The following RBFOX1 variants were observed in gnomAD, a reference collection of about 807,000 sequenced individuals.
RBFOX1 encodes RNA binding protein fox-1 homolog 1.
In RBFOX1, 8 loss-of-function variants were observed where a neutral mutation model predicts 57.7. The observed-to-expected ratio is 0.14, with a 90% confidence interval of 0.08 to 0.25. RBFOX1 has a LOEUF of 0.25. Ranked by LOEUF, RBFOX1 falls within the 10% of genes least tolerant of loss-of-function variation. The pLI, the probability that RBFOX1 is intolerant of heterozygous loss-of-function variation, is 1.00. For synonymous variants in RBFOX1, 326 were observed against 222.4 expected, an observed-to-expected ratio of 1.47 and a Z score of -4.15; for missense variants, 611 against 548.5, an observed-to-expected ratio of 1.11 and a Z score of -1.14.
intron 2 of RBFOX1, among the ~76,000 whole-genome samples, chr16:6,603,214 C>A (rs1047386184): frequency 1.3e-5 from 2 of 152,136 alleles, no homozygotes; most frequent in African/African-American, 4.8e-5. Context: ...GCTTACTTGT[C>A]TCAGGGCCAA....
chr16:6,726,592 C>G (rs931577014), intron 3 of RBFOX1, among the ~76,000 whole-genome samples: 8 of 152,066 alleles, frequency 5.3e-5, no homozygotes, highest in Non-Finnish European at 1.0e-4. Context: ...TACATAGCTG[C>G]TTTCCTGGTC....
chr16:5,316,334 T>A (rs1010920667), intron 1 of RBFOX1, among the ~76,000 whole-genome samples: 3 of 152,242 alleles, frequency 2.0e-5, no homozygotes, highest in African/African-American at 7.2e-5. Flanking sequence ...TATAATGTGA[T>A]GGCCAAGTTT....
rs146138385 is a variant in RBFOX1 at position 6,818,818 on chromosome 16, G to C, written c.-16+164168G>C. 3.3e-5 allele frequency among the ~76,000 whole-genome samples: 5 copies of C among 152,264 alleles called. No individual in the cohort carries two copies. In the East Asian group the frequency reaches 9.7e-4, roughly 29 times the overall value. On this transcript the variant is annotated intron_variant, in intron 3 of 15. Coordinates refer to ENST00000550418, the MANE Select transcript of RBFOX1 (RefSeq NM_018723.4). ...TTCATCCTCCTGGCCTCCCTGACTG[G>C]TCCGTGCCTGGGCATATCGCCCAAC...
At chr16:5,855,492 T>C (rs915294160) in intron 3 of RBFOX1, among the ~76,000 whole-genome samples, 2 of 152,162 alleles carry the variant, frequency 1.3e-5, no homozygotes, top group African/African-American at 4.8e-5. Flanking sequence ...TCTTTCCACA[T>C]TGTGTGTTCT....
intron 2 of RBFOX1, among the ~76,000 whole-genome samples, chr16:6,434,611 G>C (rs750062056): frequency 1.3e-5 from 2 of 152,128 alleles, no homozygotes; most frequent in African/African-American, 2.4e-5. Context: ...TTGAATCATG[G>C]TTCTGTCACT....
At chr16:6,310,875 G>T (rs1036247950) in intron 1 of RBFOX1, among the ~76,000 whole-genome samples, 1 of 138,914 alleles carries the variant, frequency 7.2e-6, no homozygotes, top group South Asian at 2.3e-4. Flanking sequence ...AAGCTATGAA[G>T]AACAGGTGCA....
At chr16:6,733,307 A>G (rs945563441) in intron 3 of RBFOX1, among the ~76,000 whole-genome samples, 1 of 152,130 alleles carries the variant, frequency 6.6e-6, no homozygotes, top group Admixed American at 6.5e-5. Context: ...AGAAACAGAA[A>G]TATGACTTGG....
chr16:5,722,966 G>A (rs775578069), intron 3 of RBFOX1, among the ~76,000 whole-genome samples: 12 of 152,226 alleles, frequency 7.9e-5, no homozygotes, highest in East Asian at 1.9e-4. Flanking sequence ...AAGGGCAGAG[G>A]CCCTATTTGT....
rs550568996 is a variant in RBFOX1, at chr16:5,871,631, AC to A, written c.351+4298del. Among the ~76,000 whole-genome samples the A allele has an allele frequency of 1.2e-3, 189 of 152,304 alleles. 1 individual carries two copies. The highest frequency in any genetic ancestry group is 6.8e-3 in the Middle Eastern group (2 of 294). Reference sequence around the variant, plus strand: ...AAATGCGTATGTCTGAGTCCTCTCCACCACCAGCTGTATATTAACACAAAGA... The same window carrying A: ...AAATGCGTATGTCTGAGTCCTCTCCACACCAGCTGTATATTAACACAAAGA... On this transcript the variant is annotated intron_variant, in intron 4 of 19. Coordinates refer to the RBFOX1 transcript ENST00000641259.
intron 3 of RBFOX1, among the ~76,000 whole-genome samples, chr16:6,957,316 A>G (rs937556904): frequency 6.6e-6 from 1 of 151,778 alleles, no homozygotes; most frequent in Admixed American, 6.6e-5. Flanking sequence ...TATTTTTAGT[A>G]CAGACGGGGT....
At chr16:5,432,560 T>TTTTTTTTTTTTTTTTTG (rs2067781763) in intron 1 of RBFOX1, among the ~76,000 whole-genome samples, 1 of 19,232 alleles carries the variant, frequency 5.2e-5, no homozygotes, top group African/African-American at 2.5e-4. Context: ...TGTTTGTTTG[T>TTTTTTTTTTTTTTTTTG]TTTTTTTTTT....
chr16:5,548,906 CA>C (rs1158837445), intron 2 of RBFOX1, among the ~76,000 whole-genome samples: 1 of 151,968 alleles, frequency 6.6e-6, no homozygotes, highest in Non-Finnish European at 1.5e-5. Context: ...GGCACTTCCG[CA>C]AAAAAACAAG....
chr16:5,761,472 T>C (rs997663260), intron 3 of RBFOX1, among the ~76,000 whole-genome samples: 1 of 152,214 alleles, frequency 6.6e-6, no homozygotes, highest in Non-Finnish European at 1.5e-5. Flanking sequence ...AGGGGTTCAA[T>C]TGACTCAGTT....
At chr16:6,497,647 C>A (rs1011531833) in intron 2 of RBFOX1, among the ~76,000 whole-genome samples, 1 of 151,952 alleles carries the variant, frequency 6.6e-6, no homozygotes, top group African/African-American at 2.4e-5. Flanking sequence ...ACCTCTGCCT[C>A]CCAGGTTCAA....
At chr16:5,680,401 ATGGGGGC>A (rs2050296272) in intron 3 of RBFOX1, among the ~76,000 whole-genome samples, 1 of 152,174 alleles carries the variant, frequency 6.6e-6, no homozygotes, top group African/African-American at 2.4e-5. Flanking sequence ...ATATGGATCC[ATGGGGGC>A]TGAGGCAGGC....
intron 3 of RBFOX1, among the ~76,000 whole-genome samples, chr16:5,737,557 T>C (rs2052623431): frequency 6.7e-6 from 1 of 149,638 alleles, no homozygotes; most frequent in African/African-American, 2.5e-5. Flanking sequence ...GTCCATGTAC[T>C]ACAATTTTCT....
At chr16:7,514,034 T>C (rs2075801451) in intron 4 of RBFOX1, among the ~76,000 whole-genome samples, 1 of 152,178 alleles carries the variant, frequency 6.6e-6, no homozygotes, top group Non-Finnish European at 1.5e-5. Flanking sequence ...CCCAAACTAC[T>C]TATGCAATAA....
intron 4 of RBFOX1, among the ~76,000 whole-genome samples, chr16:5,902,022 A>G (rs1276273063): frequency 6.6e-6 from 1 of 152,160 alleles, no homozygotes; most frequent in Non-Finnish European, 1.5e-5. Flanking sequence ...TCAGTTATTC[A>G]TGTCATAGTA....
At chr16:7,391,190 C>G (rs1048045135) in intron 4 of RBFOX1, among the ~76,000 whole-genome samples, 21 of 152,114 alleles carry the variant, frequency 1.4e-4, no homozygotes, top group African/African-American at 4.1e-4. Context: ...CGTGACTGGC[C>G]CCACCTCCGT....
Sources: allele counts gnomAD v4.1 joint callset (sites outside exome capture counted in the v4.1 genomes callset), GRCh38; gene constraint gnomAD v4.1.1; transcripts MANE v1.5; gene names NCBI Gene and HGNC (gene_info 2026-07-23, HGNC 2026-07-21).